The following SPATA13 variants were observed in gnomAD, a reference collection of about 807,000 sequenced individuals.
SPATA13 encodes the protein spermatogenesis associated 13.
SPATA13 carries 50 observed loss-of-function variants against 104.0 expected under a neutral mutation model. The observed-to-expected ratio is 0.48, with a 90% CI of 0.38 to 0.61. The LOEUF (loss-of-function observed/expected upper bound fraction) is 0.61. SPATA13 is among the 20% of genes least tolerant of loss of function. SPATA13 has a pLI of 0.00. For synonymous variants in SPATA13, 606 were observed against 667.5 expected (o/e 0.91, Z 1.42); for missense variants, 1,524 against 1,690.6 (o/e 0.90, Z 1.73).
intron 3 of SPATA13, among the ~76,000 whole-genome samples, chr13:24,085,069 G>T (rs951043636): frequency 5.3e-5 from 8 of 150,636 alleles, no homozygotes; most frequent in African/African-American, 1.7e-4. Flanking sequence ...CGGTGCCTTC[G>T]TGGCGATGTT....
rs748436171 is a variant in SPATA13 at position 24,113,689 on chromosome 13, G to A, written c.-112+95988G>A. 3.3e-5 allele frequency among the ~76,000 whole-genome samples: 5 copies of A among 151,772 alleles called. No homozygotes were observed. The South Asian group carries it at 8.3e-4, about 25-fold the overall frequency. On this transcript the variant is annotated intron_variant, in intron 3 of 14. Coordinates refer to the SPATA13 transcript ENST00000424834. ...GATCCAGACCATCCTGGCCAACATG[G>A]TGAAACCCCATCTCTACTAAAAATA...
chr13:24,168,343 A>C (rs1020726119), intron 1 of SPATA13, among the ~76,000 whole-genome samples: 2 of 152,196 alleles, frequency 1.3e-5, no homozygotes, highest in East Asian at 3.8e-4. Context: ...AAAATATGTG[A>C]ATTCATGTCT....
chr13:24,068,465 A>G (rs1419206945), intron 3 of SPATA13, among the ~76,000 whole-genome samples: 6 of 152,186 alleles, frequency 3.9e-5, no homozygotes, highest in Admixed American at 3.9e-4. Flanking sequence ...TTATAATAGA[A>G]CAATTTATAT....
intron 3 of SPATA13, among the ~76,000 whole-genome samples, chr13:24,035,724 G>A (rs1359919186): frequency 6.6e-6 from 1 of 152,150 alleles, no homozygotes. Context: ...CTCAAAAACT[G>A]AGGATCTGGC....
At chr13:24,016,890 C>G (rs1219467716) in intron 2 of SPATA13, among the ~76,000 whole-genome samples, 1 of 152,248 alleles carries the variant, frequency 6.6e-6, no homozygotes, top group African/African-American at 2.4e-5. Context: ...GCTGCCCCCG[C>G]CCAGGCTCAT....
intron 4 of SPATA13, among the ~76,000 whole-genome samples, chr13:24,263,799 C>T (rs1039816552): frequency 1.3e-5 from 2 of 152,182 alleles, no homozygotes; most frequent in East Asian, 1.9e-4. Context: ...ACTTACAAAA[C>T]GAGATGAATC....
At chr13:24,033,840 C>G (rs1268576482) in intron 3 of SPATA13, 1 of 152,230 alleles carries the variant, frequency 6.6e-6, no homozygotes, top group Non-Finnish European at 1.5e-5. Flanking sequence ...AAAGGGAAAT[C>G]AGGAGACTGG....
At chr13:24,178,376 A>G (rs1394934683) in intron 1 of SPATA13, among the ~76,000 whole-genome samples, 1 of 152,182 alleles carries the variant, frequency 6.6e-6, no homozygotes, top group African/African-American at 2.4e-5. Flanking sequence ...CATCATTTTG[A>G]TACTTCTGAG....
Position 24,011,315 on chromosome 13 carries a change from C to T in SPATA13, c.-146-6352C>T, listed in dbSNP as rs938814487. ...CTTCCTTTCATTTCTGAGGCAGTGC[C>T]GGCCGGCTTGGCCATCTCATGCTGT... On this transcript the variant is annotated intron_variant, in intron 2 of 14. Coordinates refer to the SPATA13 transcript ENST00000424834. The surrounding 1 kb of genome is among the most constrained non-coding windows in gnomAD (Gnocchi z 4.3). 1.3e-5 allele frequency among the ~76,000 whole-genome samples: 2 copies of T among 152,166 alleles called. No individual in the cohort carries two copies. Among genetic ancestry groups the T allele is most frequent in the African/African-American group, 2.4e-5 (1 of 41,426 alleles).
At position 24,286,432 on chromosome 13, in the gene SPATA13, G is replaced by C. The variant is rs1875954014; in HGVS notation, c.2481+39G>C. 1 of 1,590,108 alleles carries C rather than the reference G, an allele frequency of 6.3e-7. No homozygotes were observed. Among genetic ancestry groups the C allele is most frequent in the South Asian group, 1.1e-5 (1 of 88,414 alleles). ...GCTTGCAGCTTTTCCAAAGTACCTG[G>C]GGGAGCTGCAGGATCCTTTCAGGTC... On this transcript the variant is annotated intron_variant, in intron 6 of 12. Coordinates refer to ENST00000382108, the MANE Select transcript of SPATA13 (RefSeq NM_001166271.3). The surrounding 1 kb of genome is among the most constrained non-coding windows in gnomAD (Gnocchi z 4.9).
chr13:24,306,709 T>C lies in SPATA13; in HGVS notation c.*3936T>C, dbSNP rs185994793. 1.3e-5 allele frequency: 2 copies of C among 152,392 alleles called. No homozygotes were observed. Among genetic ancestry groups the C allele is most frequent in the East Asian group, 3.9e-4 (2 of 5,194 alleles). 9.4% of individuals were successfully genotyped at this position (152,392 alleles called of 1,614,324 possible). A position where few individuals can be genotyped will look rare whatever the true frequency, so the allele number is the denominator to read the frequency against. On this transcript the variant is annotated 3_prime_UTR_variant, in exon 13 of 13. Coordinates refer to ENST00000382108, the MANE Select transcript of SPATA13 (RefSeq NM_001166271.3). Reference sequence around the variant, plus strand: ...CATACTTTACATTGTTGCCTTTAGTTATCTCACAGGCACTGACATTTTATA... The same window carrying C: ...CATACTTTACATTGTTGCCTTTAGTCATCTCACAGGCACTGACATTTTATA...
intron 3 of SPATA13, among the ~76,000 whole-genome samples, chr13:24,055,868 C>T (rs913993816): frequency 2.3e-4 from 35 of 152,354 alleles, no homozygotes; most frequent in Non-Finnish European, 3.5e-4. Context: ...CACCACCGCA[C>T]GGGTCCAGAA....
chr13:24,290,538 G>T, intron 8 of SPATA13, 114 bp from the exon 9 acceptor site: 2 of 788,158 alleles, frequency 2.5e-6, no homozygotes, highest in Non-Finnish European at 4.3e-6. Context: ...TCTTGCAGTA[G>T]TCCATCTTCC....
At chr13:24,113,197 C>T (rs1253299074) in intron 3 of SPATA13, among the ~76,000 whole-genome samples, 1 of 152,202 alleles carries the variant, frequency 6.6e-6, no homozygotes, top group Admixed American at 6.5e-5. Flanking sequence ...TCTGCACGTG[C>T]CAAAGGAAAA....
At chr13:24,256,497 T>C (rs1425036499) in intron 4 of SPATA13, among the ~76,000 whole-genome samples, 1 of 152,076 alleles carries the variant, frequency 6.6e-6, no homozygotes, top group Non-Finnish European at 1.5e-5. Context: ...TATAAAAAAC[T>C]CTCCAAATTA....
chr13:24,157,748 C>A (rs916013161), upstream of SPATA13, among the ~76,000 whole-genome samples: 7 of 152,176 alleles, frequency 4.6e-5, no homozygotes, highest in Admixed American at 1.3e-4. Context: ...ATGGAACTTT[C>A]AGCAGATGGA....
chr13:24,168,606 A>G (rs1882838693), intron 1 of SPATA13, among the ~76,000 whole-genome samples: 1 of 150,946 alleles, frequency 6.6e-6, no homozygotes, highest in African/African-American at 2.5e-5. Context: ...ACCAACCTCC[A>G]TTGTGTGGTC....
intron 3 of SPATA13, among the ~76,000 whole-genome samples, chr13:24,028,063 A>T (rs1877315459): frequency 6.6e-6 from 1 of 152,224 alleles, no homozygotes. Context: ...TTTAATTTCC[A>T]AACATATAGC....
chr13:24,253,237 G>C (rs75121135), intron 4 of SPATA13: 1 of 152,108 alleles, frequency 6.6e-6, no homozygotes, highest in South Asian at 2.1e-4. Flanking sequence ...ATTTAACAGA[G>C]CAGACAGTAC....
Sources: gnomAD v4.1 joint callset for allele counts (sites outside exome capture counted in the v4.1 genomes callset) on GRCh38, gnomAD v4.1.1 for gene constraint, Gnocchi (gnomAD v3.1) non-coding constraint, MANE v1.5 for transcripts, NCBI Gene and HGNC (gene_info 2026-07-23, HGNC 2026-07-21) for gene names.